Variants in OTOGL observed in about 807,000 individuals in gnomAD.
OTOGL encodes the protein otogelin like.
Under a neutral mutation model 318.5 loss-of-function variants are expected in OTOGL, and 285 were observed. The observed-to-expected ratio is 0.89, with a 90% CI of 0.81 to 0.99. The LOEUF (loss-of-function observed/expected upper bound fraction) is 0.99. Ranked by LOEUF, OTOGL falls within the 50% of genes least tolerant of loss-of-function variation. The pLI, the probability that OTOGL is intolerant of heterozygous loss-of-function variation, is 0.00. For synonymous variants in OTOGL, 987 were observed against 936.5 expected (o/e 1.05, Z -0.99); for missense variants, 2,899 against 2,845.6 (o/e 1.02, Z -0.43).
chr12:80,139,712 C>T (rs1871806158), intron 1 of OTOGL, among the ~76,000 whole-genome samples: 2 of 152,104 alleles, frequency 1.3e-5, no homozygotes, highest in Admixed American at 1.3e-4. Context: ...ATCATAGTGC[C>T]TTAAAGACAG....
chr12:80,139,836 C>T (rs1011396140), intron 1 of OTOGL, among the ~76,000 whole-genome samples: 13 of 152,062 alleles, frequency 8.5e-5, no homozygotes, highest in Non-Finnish European at 1.5e-4. Flanking sequence ...CTATCATATA[C>T]GTGTTGATAA....
intron 1 of OTOGL, among the ~76,000 whole-genome samples, chr12:80,138,288 T>C (rs1871708161): frequency 6.6e-6 from 1 of 152,172 alleles, no homozygotes; most frequent in African/African-American, 2.4e-5. Context: ...TACGATAATT[T>C]TCTTATTCTT....
intron 1 of OTOGL, among the ~76,000 whole-genome samples, chr12:80,207,450 C>T (rs1251281977): frequency 1.3e-5 from 2 of 152,054 alleles, no homozygotes; most frequent in Admixed American, 6.6e-5. Context: ...GGTGATCCCC[C>T]TGGCTCGGCC....
chr12:80,324,702 A>T (rs186539182), intron 35 of OTOGL, among the ~76,000 whole-genome samples: 1 of 152,290 alleles, frequency 6.6e-6, no homozygotes, highest in African/African-American at 2.4e-5. Flanking sequence ...TGGTGGCCCG[A>T]GAGGTTATGA....
At chr12:80,312,274 A>G (rs1006539352) in intron 30 of OTOGL, among the ~76,000 whole-genome samples, 13 of 152,182 alleles carry the variant, frequency 8.5e-5, no homozygotes, top group Non-Finnish European at 4.4e-5. Context: ...ATTACGATAG[A>G]CCGGATGAAG....
At chr12:80,231,438 C>A (rs994055391) in intron 8 of OTOGL, among the ~76,000 whole-genome samples, 3 of 151,814 alleles carry the variant, frequency 2.0e-5, no homozygotes, top group Non-Finnish European at 1.5e-5. Flanking sequence ...TGAATTGTTT[C>A]TTTGGGGATT....
intron 18 of OTOGL, among the ~76,000 whole-genome samples, chr12:80,258,900 A>G (rs1162861475): frequency 6.6e-6 from 1 of 152,084 alleles, no homozygotes; most frequent in Non-Finnish European, 1.5e-5. Flanking sequence ...TTTGAGATCA[A>G]TTAATTATAT....
chr12:80,267,222 A>T (rs778021052), intron 21 of OTOGL, 31 bp from the exon 22 acceptor site: 3 of 1,399,206 alleles, frequency 2.1e-6, no homozygotes, highest in Non-Finnish European at 2.9e-6. Flanking sequence ...AAAAAATTGT[A>T]TCCTATTTAC....
chr12:80,225,722 T>C (rs1158855726), intron 7 of OTOGL, among the ~76,000 whole-genome samples: 1 of 152,070 alleles, frequency 6.6e-6, no homozygotes, highest in Non-Finnish European at 1.5e-5. Context: ...TCTTGATACA[T>C]CCAAATACAG....
At chr12:80,128,898 A>T (rs1490900539) in intron 1 of OTOGL, among the ~76,000 whole-genome samples, 2 of 152,164 alleles carry the variant, frequency 1.3e-5, no homozygotes, top group Non-Finnish European at 2.9e-5. Flanking sequence ...AAAGCACAGT[A>T]TTAGGGTGGG....
rs545730927 is a variant in OTOGL at position 80,237,485 on chromosome 12, GAGA to G, written c.818-1362_818-1360del. ...TATATGAAGTAAGGGAGGCAACAGT[GAGA>G]AGATTTTAGGAAAGAGTGGTTTTGA... On this transcript the variant is annotated intron_variant, in intron 9 of 58. Coordinates refer to ENST00000547103, the MANE Select transcript of OTOGL (RefSeq NM_001378609.3). 3.9e-5 allele frequency among the ~76,000 whole-genome samples: 6 copies of G among 152,268 alleles called. No homozygotes were observed. The South Asian group carries it at 1.2e-3, about 32-fold the overall frequency.
chr12:80,306,726 C>A (rs1224572622), intron 29 of OTOGL, among the ~76,000 whole-genome samples: 1 of 150,964 alleles, frequency 6.6e-6, no homozygotes, highest in Non-Finnish European at 1.5e-5. Context: ...TGAAAAAAAT[C>A]GTTTTACATT....
At chr12:80,229,135 T>TA (rs1452133629) in intron 7 of OTOGL, 122 bp from the exon 8 acceptor site, 1 of 1,149,632 alleles carries the variant, frequency 8.7e-7, no homozygotes, top group Non-Finnish European at 1.2e-6. Context: ...CAAATGTAGT[T>TA]ATAACGTTGT....
intron 1 of OTOGL, among the ~76,000 whole-genome samples, chr12:80,150,982 A>T (rs543769030): frequency 6.6e-6 from 1 of 152,350 alleles, no homozygotes; most frequent in African/African-American, 2.4e-5. Context: ...GAAATTATAG[A>T]TAATAGGAAT....
chr12:80,330,083 A>G (rs1411584898), intron 37 of OTOGL, among the ~76,000 whole-genome samples: 1 of 152,196 alleles, frequency 6.6e-6, no homozygotes, highest in Non-Finnish European at 1.5e-5. Flanking sequence ...ACATGAAGGA[A>G]TCTTAAGCAG....
At position 80,164,717 on chromosome 12, in the gene OTOGL, C is replaced by A. The variant is rs112671239; in HGVS notation, c.-19-44696C>A. ...GAGACTGTCAGGCTGGCTCCTGTAT[C>A]TGGGTGACACCACTTCATGAGCCCA... is the stretch of plus-strand genomic sequence containing the variant. On this transcript the variant is annotated intron_variant, in intron 1 of 58. Coordinates refer to ENST00000547103, the MANE Select transcript of OTOGL (RefSeq NM_001378609.3). Among the ~76,000 whole-genome samples the A allele has an allele frequency of 9.4e-3, 1,426 of 152,238 alleles. 13 individuals are homozygous for A. Among genetic ancestry groups the A allele is most frequent in the Non-Finnish European group, 0.015 (1,017 of 68,026 alleles).
intron 3 of OTOGL, among the ~76,000 whole-genome samples, chr12:80,211,295 A>C (rs1877235653): frequency 6.6e-6 from 1 of 152,122 alleles, no homozygotes; most frequent in African/African-American, 2.4e-5. Context: ...TAATGATAAA[A>C]ATAAAAAATT....
chr12:80,193,280 G>T (rs1171794620), intron 1 of OTOGL, among the ~76,000 whole-genome samples: 1 of 152,206 alleles, frequency 6.6e-6, no homozygotes, highest in Non-Finnish European at 1.5e-5. Flanking sequence ...CACTTTGGGA[G>T]GCTGTGGTGG....
At chr12:80,174,938 C>CG (rs1555273645) in intron 1 of OTOGL, among the ~76,000 whole-genome samples, 1 of 149,818 alleles carries the variant, frequency 6.7e-6, no homozygotes, top group Non-Finnish European at 1.5e-5. Context: ...GGTAAACAAA[C>CG]AAAAAAAAAC....
Sources: allele counts gnomAD v4.1 joint callset (sites outside exome capture counted in the v4.1 genomes callset), GRCh38; gene constraint gnomAD v4.1.1; transcripts MANE v1.5; gene names NCBI Gene and HGNC (gene_info 2026-07-23, HGNC 2026-07-21).